The following SLC39A11 variants were observed in gnomAD, a reference collection of about 807,000 sequenced individuals.
SLC39A11 encodes zinc transporter ZIP11.
In SLC39A11, 33 loss-of-function variants were observed where a neutral mutation model predicts 36.1. The ratio of observed to expected loss-of-function variants is 0.91; its 90% CI spans 0.69 to 1.22. SLC39A11 has a LOEUF of 1.22. Among genes scored for constraint, SLC39A11 ranks in the 50% most tolerant of loss-of-function variants. The pLI is 0.00. For missense variants in SLC39A11, 432 were observed against 430.3 expected, an observed-to-expected ratio of 1.00 and a Z score of -0.03; for synonymous variants, 166 against 170.3, an observed-to-expected ratio of 0.97 and a Z score of 0.20.
intron 7 of SLC39A11, among the ~76,000 whole-genome samples, chr17:72,706,960 C>G (rs2072917618): frequency 6.6e-6 from 1 of 152,210 alleles, no homozygotes; most frequent in Non-Finnish European, 1.5e-5. Context: ...TAGGGCCGGG[C>G]TCTATCCAAT....
chr17:72,801,838 A>G (rs1196541011), intron 6 of SLC39A11, among the ~76,000 whole-genome samples: 2 of 152,238 alleles, frequency 1.3e-5, no homozygotes, highest in Non-Finnish European at 2.9e-5. Context: ...AAACTGGTAG[A>G]TTTTATGGTA....
intron 4 of SLC39A11, among the ~76,000 whole-genome samples, chr17:73,009,503 T>C (rs1005931413): frequency 6.6e-6 from 1 of 152,002 alleles, no homozygotes; most frequent in East Asian, 1.9e-4. Context: ...CCAGAATGGG[T>C]AAATCCACAA....
chr17:72,948,409 T>TCGCCGCACG (rs1281584838), intron 4 of SLC39A11, among the ~76,000 whole-genome samples: 12 of 151,540 alleles, frequency 7.9e-5, no homozygotes, highest in South Asian at 2.1e-4. Flanking sequence ...GCAAGCATCA[T>TCGCCGCACG]CACTGCCGGG....
intron 4 of SLC39A11, among the ~76,000 whole-genome samples, chr17:72,985,511 C>T (rs1276041398): frequency 3.4e-5 from 5 of 147,202 alleles, no homozygotes; most frequent in Non-Finnish European, 7.4e-5. Flanking sequence ...CTCCCAGGTT[C>T]AAGCAATTCT....
chr17:73,007,350 G>A (rs1242367509), intron 4 of SLC39A11, among the ~76,000 whole-genome samples: 1 of 152,152 alleles, frequency 6.6e-6, no homozygotes, highest in Non-Finnish European at 1.5e-5. Flanking sequence ...GAAACCGGAA[G>A]GCAAAGGTTG....
chr17:72,942,612 G>A (rs1043859975), intron 5 of SLC39A11, among the ~76,000 whole-genome samples: 3 of 152,184 alleles, frequency 2.0e-5, no homozygotes, highest in African/African-American at 7.2e-5. Flanking sequence ...CCTTCAGGAA[G>A]ACATGGAAAG....
chr17:72,861,666 TATATATATATATATATATATATAAA>T lies in SLC39A11; in HGVS notation c.431-11887_431-11863del, dbSNP rs1464575682. ...ATCTATATACAACACATTATATATA[TATATATATATATATATATATATAAA>T]ATATATATATTGGATATATATAGGA... On this transcript the variant is annotated intron_variant, in intron 5 of 9. Coordinates refer to ENST00000255559, the MANE Select transcript of SLC39A11 (RefSeq NM_139177.4). Among the ~76,000 whole-genome samples, 135 of 107,062 alleles carry T rather than the reference TATATATATATATATATATATATAAA, an allele frequency of 1.3e-3. 2 individuals are homozygous for T. The highest frequency in any genetic ancestry group is 5.1e-3 in the African/African-American group (129 of 25,258). 70.2% of individuals were successfully genotyped at this position (107,062 alleles called of 152,430 possible).
intron 5 of SLC39A11, among the ~76,000 whole-genome samples, chr17:72,877,517 C>T (rs1001006724): frequency 2.0e-5 from 3 of 152,288 alleles, no homozygotes; most frequent in East Asian, 1.9e-4. Flanking sequence ...AATCAGTTCA[C>T]GATGCTTGAT....
At chr17:72,651,353 C>T (rs2069843956) in intron 7 of SLC39A11, among the ~76,000 whole-genome samples, 1 of 151,944 alleles carries the variant, frequency 6.6e-6, no homozygotes, top group African/African-American at 2.4e-5. Flanking sequence ...CCCTTCCCTG[C>T]TATCCCAATT....
rs529825873 is a variant in SLC39A11 at position 73,007,148 on chromosome 17, C to G, written c.306+24408G>C. Among the ~76,000 whole-genome samples the G allele has an allele frequency of 1.8e-3, 272 of 152,112 alleles. 1 individual carries two copies. The highest frequency in any genetic ancestry group is 3.1e-3 in the Non-Finnish European group (210 of 68,022). ...TTCAAAACCAAGACACAGGGCCGGGCGCAGTGGCTCACACCTGTAATCCCA... is the reference window on the plus strand; with the variant it reads ...TTCAAAACCAAGACACAGGGCCGGGGGCAGTGGCTCACACCTGTAATCCCA... On this transcript the variant is annotated intron_variant, in intron 4 of 9. Transcript: ENST00000255559.
intron 6 of SLC39A11, among the ~76,000 whole-genome samples, chr17:72,830,118 A>AT (rs1401898551): frequency 2.6e-5 from 4 of 152,182 alleles, no homozygotes; most frequent in Non-Finnish European, 5.9e-5. Flanking sequence ...TACACATGTG[A>AT]TTCCTCAAGC....
chr17:72,869,224 C>G (rs2080478688), intron 5 of SLC39A11, among the ~76,000 whole-genome samples: 1 of 152,226 alleles, frequency 6.6e-6, no homozygotes, highest in Non-Finnish European at 1.5e-5. Context: ...CAGAGAACAT[C>G]TGCTGACTGA....
At chr17:73,028,204 C>T (rs2058622858) in intron 4 of SLC39A11, among the ~76,000 whole-genome samples, 1 of 152,182 alleles carries the variant, frequency 6.6e-6, no homozygotes, top group South Asian at 2.1e-4. Flanking sequence ...GCCACTGGTT[C>T]ATAGATCCCA....
chr17:72,909,386 C>T (rs939283773), intron 5 of SLC39A11, among the ~76,000 whole-genome samples: 1 of 152,212 alleles, frequency 6.6e-6, no homozygotes, highest in Non-Finnish European at 1.5e-5. Context: ...AACACATTGA[C>T]TTGAATCCCA....
At chr17:72,988,939 G>A (rs533569665) in intron 4 of SLC39A11, among the ~76,000 whole-genome samples, 22 of 152,200 alleles carry the variant, frequency 1.4e-4, no homozygotes, top group African/African-American at 4.8e-4. Context: ...GGCAGAGCAT[G>A]GTGGCTCACG....
chr17:72,659,574 C>CTT (rs34383683), intron 7 of SLC39A11, among the ~76,000 whole-genome samples: 9,504 of 61,362 alleles, frequency 0.15, 799 homozygotes, highest in Non-Finnish European at 0.18. Context: ...CTCTGTGACT[C>CTT]TTTTTTTTTT....
At chr17:72,736,818 G>GCATTCC (rs2074449418) in intron 6 of SLC39A11, 99 bp from the exon 7 acceptor site, 3 of 982,856 alleles carry the variant, frequency 3.1e-6, no homozygotes, top group Non-Finnish European at 4.9e-6. Context: ...GCATGAGGCT[G>GCATTCC]CCAGTCAAAG....
chr17:72,651,307 G>A (rs1007997553), intron 7 of SLC39A11, among the ~76,000 whole-genome samples: 4 of 152,108 alleles, frequency 2.6e-5, no homozygotes, highest in Admixed American at 6.5e-5. Context: ...AGGTGAGGAT[G>A]AGGAAAGCAG....
chr17:72,757,584 G>A (rs1030662512), intron 6 of SLC39A11, among the ~76,000 whole-genome samples: 1 of 152,132 alleles, frequency 6.6e-6, no homozygotes, highest in African/African-American at 2.4e-5. Flanking sequence ...ACCATTAGTG[G>A]CAGGCACTCC....
Sources: gnomAD v4.1 joint callset for allele counts (sites outside exome capture counted in the v4.1 genomes callset) on GRCh38, gnomAD v4.1.1 for gene constraint, MANE v1.5 for transcripts, NCBI Gene and HGNC (gene_info 2026-07-23, HGNC 2026-07-21) for gene names.